Variants in CTNNA3 observed in about 807,000 individuals in gnomAD.
The protein encoded by CTNNA3 is catenin alpha-3.
CTNNA3 carries 76 observed loss-of-function variants against 95.7 expected under a neutral mutation model. The observed-to-expected ratio is 0.79, with a 90% CI of 0.66 to 0.96. CTNNA3 has a LOEUF of 0.96. Among genes scored for constraint, CTNNA3 ranks in the 40% least tolerant of loss-of-function variants. CTNNA3 has a pLI of 0.00. For synonymous variants in CTNNA3, 431 were observed against 374.4 expected (o/e 1.15, Z -1.74); for missense variants, 1,191 against 1,089.8 (o/e 1.09, Z -1.31).
At chr10:67,396,775 G>C (rs1223582927) in intron 5 of CTNNA3, among the ~76,000 whole-genome samples, 2 of 132,064 alleles carry the variant, frequency 1.5e-5, no homozygotes, top group African/African-American at 5.8e-5. Context: ...GAGGGACACG[G>C]TGGGAGGTAA....
intron 4 of CTNNA3, among the ~76,000 whole-genome samples, chr10:67,535,867 A>G (rs930811464): frequency 6.6e-6 from 1 of 152,146 alleles, no homozygotes; most frequent in African/African-American, 2.4e-5. Flanking sequence ...AGAGCTAATA[A>G]GGCAGTGAGA....
intron 3 of CTNNA3, among the ~76,000 whole-genome samples, chr10:67,600,504 T>A (rs554356859): frequency 1.3e-5 from 2 of 152,146 alleles, no homozygotes; most frequent in East Asian, 3.9e-4. Flanking sequence ...ATCACAGAAA[T>A]ACAAATTAAA....
chr10:67,129,456 C>T (rs1859883021), intron 7 of CTNNA3, among the ~76,000 whole-genome samples: 1 of 152,104 alleles, frequency 6.6e-6, no homozygotes, highest in African/African-American at 2.4e-5. Flanking sequence ...AGCTTATTAA[C>T]CACAAACAGT....
intron 9 of CTNNA3, among the ~76,000 whole-genome samples, chr10:66,709,966 G>A (rs1301817880): frequency 6.6e-6 from 1 of 152,078 alleles, no homozygotes; most frequent in African/African-American, 2.4e-5. Flanking sequence ...AACACTATAC[G>A]TTGCTTTTGA....
chr10:66,200,879 T>C (rs1488259812), intron 13 of CTNNA3, among the ~76,000 whole-genome samples: 1 of 152,202 alleles, frequency 6.6e-6, no homozygotes, highest in Non-Finnish European at 1.5e-5. Flanking sequence ...CAAATAATGA[T>C]TTAAGAAATC....
At chr10:66,774,592 C>G (rs896416070) in intron 8 of CTNNA3, among the ~76,000 whole-genome samples, 1 of 152,038 alleles carries the variant, frequency 6.6e-6, no homozygotes, top group African/African-American at 2.4e-5. Context: ...AAATCTACGT[C>G]CAAATTAAAA....
chr10:66,884,785 T>C (rs1207323312), intron 7 of CTNNA3, among the ~76,000 whole-genome samples: 1 of 152,026 alleles, frequency 6.6e-6, no homozygotes, highest in Admixed American at 6.6e-5. Flanking sequence ...GGGAGGAAGA[T>C]AACAAAAGGT....
intron 4 of CTNNA3, among the ~76,000 whole-genome samples, chr10:67,533,712 T>C (rs925485819): frequency 3.3e-5 from 5 of 152,166 alleles, no homozygotes; most frequent in African/African-American, 1.2e-4. Context: ...TTTACACTAG[T>C]TGGTGGTCTC....
intron 11 of CTNNA3, among the ~76,000 whole-genome samples, chr10:66,479,978 A>ACACACACACACACCCC (rs1427904243): frequency 1.3e-5 from 2 of 151,332 alleles, no homozygotes; most frequent in African/African-American, 4.9e-5. Context: ...ACACACACAC[A>ACACACACACACACCCC]CCCCAGAACT....
chr10:66,494,020 G>T (rs1840019371), intron 11 of CTNNA3, among the ~76,000 whole-genome samples: 1 of 147,184 alleles, frequency 6.8e-6, no homozygotes, highest in Admixed American at 6.9e-5. Context: ...CGATTCTCCT[G>T]CCTCAGCCTC....
intron 5 of CTNNA3, among the ~76,000 whole-genome samples, chr10:67,297,396 T>C (rs1179940740): frequency 1.3e-5 from 2 of 152,206 alleles, no homozygotes; most frequent in South Asian, 2.1e-4. Context: ...TTTACTTCTA[T>C]AGGAAATTAA....
At chr10:66,263,915 T>C in intron 13 of CTNNA3, among the ~76,000 whole-genome samples, 1 of 152,004 alleles carries the variant, frequency 6.6e-6, no homozygotes, top group East Asian at 1.9e-4. Flanking sequence ...TTGCCTTAGT[T>C]TCTGAGACAG....
chr10:66,082,811 A>G (rs2080813837), intron 14 of CTNNA3, among the ~76,000 whole-genome samples: 1 of 152,168 alleles, frequency 6.6e-6, no homozygotes, highest in South Asian at 2.1e-4. Context: ...CATGGTGGCT[A>G]CCATTTTCAG....
chr10:66,138,473 T>C (rs902112175), intron 13 of CTNNA3, among the ~76,000 whole-genome samples: 1 of 152,188 alleles, frequency 6.6e-6, no homozygotes, highest in African/African-American at 2.4e-5. Context: ...AAAACAATAG[T>C]AGGCTTATTC....
chr10:67,594,078 A>G (rs1456776797), intron 3 of CTNNA3, among the ~76,000 whole-genome samples: 1 of 152,212 alleles, frequency 6.6e-6, no homozygotes, highest in Non-Finnish European at 1.5e-5. Context: ...TATATGTTGA[A>G]CGGAACTTGC....
chr10:66,949,654 T>A (rs1175947379), intron 7 of CTNNA3, among the ~76,000 whole-genome samples: 1 of 152,150 alleles, frequency 6.6e-6, no homozygotes, highest in Non-Finnish European at 1.5e-5. Flanking sequence ...GGATTAAACA[T>A]GATTGGAGTA....
chr10:67,265,013 T>A (rs1302975915), intron 5 of CTNNA3, among the ~76,000 whole-genome samples: 1 of 152,196 alleles, frequency 6.6e-6, no homozygotes, highest in East Asian at 1.9e-4. Context: ...AGGATTTTCT[T>A]ATGCTATAAA....
chr10:66,506,019 C>G (rs1840436739), intron 11 of CTNNA3, among the ~76,000 whole-genome samples: 1 of 152,136 alleles, frequency 6.6e-6, no homozygotes, highest in Non-Finnish European at 1.5e-5. Flanking sequence ...GTGAGGGCTT[C>G]AGGCTGCTTC....
At chr10:67,641,750 C>T (rs1054675726) in intron 2 of CTNNA3, among the ~76,000 whole-genome samples, 3 of 152,092 alleles carry the variant, frequency 2.0e-5, no homozygotes, top group Admixed American at 6.6e-5. Context: ...AGCAAACTAT[C>T]GCAAGGACAA....
Sources: allele counts gnomAD v4.1 joint callset (sites outside exome capture counted in the v4.1 genomes callset), GRCh38; gene constraint gnomAD v4.1.1; transcripts MANE v1.5; gene names NCBI Gene and HGNC (gene_info 2026-07-23, HGNC 2026-07-21).